HAVCR2: variants seen among roughly 807,000 people sequenced by gnomAD.
HAVCR2 encodes the protein hepatitis A virus cellular receptor 2, also known as T cell immunoglobulin mucin 3.
HAVCR2 carries 13 observed loss-of-function variants against 24.7 expected under a neutral mutation model. The observed-to-expected ratio is 0.53, with a 90% confidence interval of 0.34 to 0.84. The LOEUF (loss-of-function observed/expected upper bound fraction) is 0.84. Ranked by LOEUF, HAVCR2 falls within the 40% of genes least tolerant of loss-of-function variation. The probability of loss-of-function intolerance (pLI) is 0.01; values close to 1 mark genes in which losing one functional copy is unlikely to be tolerated. For synonymous variants in HAVCR2, 154 were observed against 143.4 expected, an observed-to-expected ratio of 1.07 and a Z score of -0.53; for missense variants, 343 against 371.2, an observed-to-expected ratio of 0.92 and a Z score of 0.62.
At chr5:157,095,562 G>A (rs1757084477) in intron 4 of HAVCR2, 103 bp from the exon 5 acceptor site, 1 of 1,252,730 alleles carries the variant, frequency 8.0e-7, no homozygotes, top group Non-Finnish European at 1.1e-6. Flanking sequence ...CAACATCACA[G>A]GATGGCTGAG....
intron 5 of HAVCR2, among the ~76,000 whole-genome samples, chr5:157,090,581 A>G (rs537901373): frequency 1.3e-5 from 2 of 151,996 alleles, no homozygotes; most frequent in South Asian, 4.2e-4. Flanking sequence ...GTGAATCTCA[A>G]TATGTTGCCC....
At chr5:157,089,121 G>C (rs1756956883) in intron 5 of HAVCR2, 144 bp from the exon 6 acceptor site, 2 of 655,106 alleles carry the variant, frequency 3.1e-6, no homozygotes, top group African/African-American at 3.7e-5. Context: ...CTCAACGTGT[G>C]CCTTAGATAG....
chr5:157,094,833 G>C (rs1336406518), intron 5 of HAVCR2, among the ~76,000 whole-genome samples: 2 of 152,164 alleles, frequency 1.3e-5, no homozygotes, highest in African/African-American at 4.8e-5. Context: ...TCTACTGCCA[G>C]AGAGGTATGC....
chr5:157,108,901 T>G, intron 1 of HAVCR2, 25 bp downstream of exon 1: 1 of 1,610,534 alleles, frequency 6.2e-7, no homozygotes, highest in Non-Finnish European at 8.5e-7. Flanking sequence ...ATTATGTCAT[T>G]GTAAATATCC....
Position 157,088,055 on chromosome 5 carries a change from T to C in HAVCR2, c.714-761A>G, listed in dbSNP as rs909033977. ...TCATTGCAGCCTTCATCTCCTGTGC[T>C]CCAGCAATCCTTCCACCTAATGTTT... is the stretch of plus-strand genomic sequence containing the variant. On this transcript the variant is annotated intron_variant, in intron 6 of 6. Coordinates refer to ENST00000307851, the MANE Select transcript of HAVCR2 (RefSeq NM_032782.5). Among the ~76,000 whole-genome samples, 14 of 152,282 alleles carry C rather than the reference T, an allele frequency of 9.2e-5. No individual in the cohort carries two copies. The East Asian group carries it at 2.7e-3, about 29-fold the overall frequency.
At position 157,106,870 on chromosome 5, in the gene HAVCR2, C is replaced by T. The variant is rs368534648; in HGVS notation, c.151G>A (p.Val51Ile). ...GGACAGGCTCCTTTGCCCCAGCAGACGGGCACGAGGTTCCCTGGGGCGGCT... is the reference window on the plus strand; with the variant it reads ...GGACAGGCTCCTTTGCCCCAGCAGATGGGCACGAGGTTCCCTGGGGCGGCT... Reference protein sequence around the residue: ...TPAAPGNLVPVCWGKGACPVF... With the variant: ...TPAAPGNLVPICWGKGACPVF... Residue 51 changes from valine to isoleucine, a missense_variant, in exon 2 of 7, where the codon GTC (valine) becomes ATC (isoleucine). By Grantham distance (29) the Val-to-Ile change is conservative. Coordinates refer to ENST00000307851, the MANE Select transcript of HAVCR2 (RefSeq NM_032782.5). The T allele has an allele frequency of 8.3e-5, 134 of 1,614,090 alleles. No homozygotes were observed. The highest frequency in any genetic ancestry group is 1.9e-4 in the African/African-American group (14 of 74,920).
chr5:157,088,830 A>C (rs1756952110), intron 6 of HAVCR2, 111 bp downstream of exon 6: 1 of 911,832 alleles, frequency 1.1e-6, no homozygotes, highest in African/African-American at 1.7e-5. Flanking sequence ...GGAAGTATAA[A>C]CTCAGATCTC....
chr5:157,090,548 C>T lies in HAVCR2; in HGVS notation c.677-1571G>A, dbSNP rs919899889. ...GGTAGAGGTTGCAGTGAGCCATGAT[C>T]ACACCACTGCACTCCAGCCTGGGTG... On this transcript the variant is annotated intron_variant, in intron 5 of 6. Transcript: ENST00000307851. Among the ~76,000 whole-genome samples the T allele has an allele frequency of 2.3e-4, 35 of 152,084 alleles. 1 individual carries two copies. The highest frequency in any genetic ancestry group is 8.2e-4 in the African/African-American group (34 of 41,488).
intron 1 of HAVCR2, 197 bp from the exon 2 acceptor site, chr5:157,107,159 T>C: frequency 3.6e-6 from 2 of 561,606 alleles, no homozygotes; most frequent in Non-Finnish European, 6.3e-6. Context: ...AAAACACAGA[T>C]TGCTGGGCTC....
At chr5:157,089,149 G>A (rs9313441) in intron 5 of HAVCR2, among the ~76,000 whole-genome samples, 172 bp from the exon 6 acceptor site, 9,288 of 152,264 alleles carry the variant, frequency 0.061, 426 homozygotes, top group Admixed American at 0.14. Flanking sequence ...GACTGTGTTA[G>A]AAAATAATAA....
chr5:157,101,802 C>G (rs2113692529), intron 3 of HAVCR2, among the ~76,000 whole-genome samples: 1 of 145,466 alleles, frequency 6.9e-6, no homozygotes, highest in South Asian at 2.2e-4. Context: ...GAGAAAGGGT[C>G]TCGCTCTGTT....
intron 5 of HAVCR2, among the ~76,000 whole-genome samples, chr5:157,094,283 G>A (rs999136183): frequency 1.3e-5 from 2 of 151,936 alleles, no homozygotes; most frequent in African/African-American, 2.4e-5. Flanking sequence ...GGGCTCAACT[G>A]ATCCTCTCAC....
rs143098742 is a variant in HAVCR2, at chr5:157,095,369, T to G, written c.613A>C (p.Ile205Leu). ...SGATIRIGIY[I>L]GAGICAGLAL... ...AGCCCAGCACAGATCCCTGCTCCGATGTAGATGCCTATTCTGATGGTTGCT... is the reference window on the plus strand; with the variant it reads ...AGCCCAGCACAGATCCCTGCTCCGAGGTAGATGCCTATTCTGATGGTTGCT... Residue 205 changes from isoleucine to leucine, a missense_variant, in exon 5 of 7, where the codon ATC (isoleucine) becomes CTC (leucine). Physicochemically the swap from Ile to Leu is conservative, Grantham distance 5. Coordinates refer to ENST00000307851, the MANE Select transcript of HAVCR2 (RefSeq NM_032782.5). 2 of 1,614,048 alleles carry G rather than the reference T, an allele frequency of 1.2e-6. No homozygotes were observed. The highest frequency in any genetic ancestry group is 2.7e-5 in the African/African-American group (2 of 74,928).
chr5:157,086,991 G>T lies in HAVCR2; in HGVS notation c.*111C>A. The T allele has an allele frequency of 1.1e-6, 1 of 878,046 alleles. No individual in the cohort carries two copies. Among genetic ancestry groups the T allele is most frequent in the Non-Finnish European group, 1.8e-6 (1 of 565,818 alleles). The allele number at this position is 878,046 out of a possible 1,614,324, so 54.4% of individuals were successfully genotyped here. On this transcript the variant is annotated 3_prime_UTR_variant, in exon 7 of 7. Transcript: ENST00000307851. Reference sequence around the variant, plus strand: ...TGTGAGTCATTATCTTCTGAAAATGGGAAAACTCTGCTCCATAGCAGTGGA... The same window carrying T: ...TGTGAGTCATTATCTTCTGAAAATGTGAAAACTCTGCTCCATAGCAGTGGA...
intron 2 of HAVCR2, among the ~76,000 whole-genome samples, chr5:157,105,965 G>C (rs1229941113): frequency 1.3e-5 from 2 of 151,916 alleles, no homozygotes; most frequent in Non-Finnish European, 2.9e-5. Context: ...TCCTGCTTCA[G>C]CCTCTCAAAG....
intron 6 of HAVCR2, among the ~76,000 whole-genome samples, chr5:157,087,865 T>A (rs1756937410): frequency 1.4e-5 from 2 of 146,998 alleles, no homozygotes; most frequent in Admixed American, 1.4e-4. Flanking sequence ...GTTGTGCCAC[T>A]GCACTCCAGC....
At chr5:157,108,474 G>A (rs1464388741) in intron 1 of HAVCR2, among the ~76,000 whole-genome samples, 3 of 151,422 alleles carry the variant, frequency 2.0e-5, no homozygotes, top group Non-Finnish European at 4.4e-5. Flanking sequence ...GCAATAGAGT[G>A]AGACTCCATC....
At position 157,097,568 on chromosome 5, in the gene HAVCR2, G is replaced by T. The variant is rs539083607; in HGVS notation, c.522+1290C>A. On this transcript the variant is annotated intron_variant, in intron 4 of 6. Transcript: ENST00000307851. Reference sequence around the variant, plus strand: ...AGACACTGTGCCCGGCCTCCTCAAAGAATTTTTAAGTCATTGCTGCAAGCT... The same window carrying T: ...AGACACTGTGCCCGGCCTCCTCAAATAATTTTTAAGTCATTGCTGCAAGCT... Among the ~76,000 whole-genome samples, 11 of 151,156 alleles carry T rather than the reference G, an allele frequency of 7.3e-5. No homozygotes were observed. The South Asian group carries it at 1.3e-3, about 17-fold the overall frequency.
intron 6 of HAVCR2, among the ~76,000 whole-genome samples, chr5:157,087,682 G>C (rs1756933675): frequency 6.6e-6 from 1 of 152,018 alleles, no homozygotes; most frequent in Non-Finnish European, 1.5e-5. Flanking sequence ...GAGCCTGGCA[G>C]ATCACGAGGT....
Sources: gnomAD v4.1 joint callset for allele counts (sites outside exome capture counted in the v4.1 genomes callset) on GRCh38, gnomAD v4.1.1 for gene constraint, MANE v1.5 for transcripts, NCBI Gene and HGNC (gene_info 2026-07-23, HGNC 2026-07-21) for gene names.